The following MSTO1 variants were observed in gnomAD, a reference collection of about 807,000 sequenced individuals.
The protein encoded by MSTO1 is protein misato homolog 1.
In MSTO1, 24 loss-of-function variants were observed where a neutral mutation model predicts 55.7. That is an observed-to-expected ratio of 0.43 (90% confidence interval 0.31 to 0.61). MSTO1 has a LOEUF of 0.61. Among genes scored for constraint, MSTO1 ranks in the 20% least tolerant of loss-of-function variants. The pLI is 0.09. For missense variants in MSTO1, 363 were observed against 625.7 expected, an observed-to-expected ratio of 0.58 and a Z score of 4.48; for synonymous variants, 162 against 252.8, an observed-to-expected ratio of 0.64 and a Z score of 3.41.
At chr1:155,608,802 TTTTTTATTTTTA>T (rs1338752721), upstream of MSTO1, among the ~76,000 whole-genome samples, 2 of 147,486 alleles carry the variant, frequency 1.4e-5, no homozygotes, top group African/African-American at 2.5e-5. Context: ...GCGCCCGGCC[TTTTTTATTTTTA>T]TTTTTATTTT....
the MSTO1 span, among the ~76,000 whole-genome samples, chr1:155,596,889 G>T: frequency 6.6e-6 from 1 of 152,252 alleles, no homozygotes; most frequent in African/African-American, 2.4e-5. Flanking sequence ...GATCCCTTGA[G>T]CTCAGGAGTT....
At chr1:155,608,473 C>A (rs1673026675), upstream of MSTO1, among the ~76,000 whole-genome samples, 1 of 152,064 alleles carries the variant, frequency 6.6e-6, no homozygotes, top group South Asian at 2.1e-4. Flanking sequence ...AGCCTCTGCG[C>A]CCAACCAATA....
At chr1:155,574,501 T>C in the MSTO1 span, among the ~76,000 whole-genome samples, 1 of 152,182 alleles carries the variant, frequency 6.6e-6, no homozygotes, top group African/African-American at 2.4e-5. Context: ...TAAGGAAAGC[T>C]GAATGAAGAG....
chr1:155,592,116 T>C, the MSTO1 span, among the ~76,000 whole-genome samples: 1 of 152,252 alleles, frequency 6.6e-6, no homozygotes, highest in African/African-American at 2.4e-5. Flanking sequence ...CAGATTGCTA[T>C]GCTGAAGTAA....
chr1:155,606,256 G>A (rs1423683424), upstream of MSTO1, among the ~76,000 whole-genome samples: 4 of 124,108 alleles, frequency 3.2e-5, no homozygotes, highest in Admixed American at 3.2e-4. Flanking sequence ...ACGGGGTCTC[G>A]CCATGTTGGC....
chr1:155,575,105 G>A, the MSTO1 span, among the ~76,000 whole-genome samples: 1 of 151,936 alleles, frequency 6.6e-6, no homozygotes, highest in Non-Finnish European at 1.5e-5. Flanking sequence ...GACCTCGGGT[G>A]ATTCACTCGC....
At chr1:155,565,263 C>G in the MSTO1 span, among the ~76,000 whole-genome samples, 28 of 150,006 alleles carry the variant, frequency 1.9e-4, no homozygotes, top group African/African-American at 5.2e-4. Flanking sequence ...CCTTTGCATT[C>G]CAGCCTGGGA....
At chr1:155,601,715 A>G in the MSTO1 span, among the ~76,000 whole-genome samples, 1 of 152,096 alleles carries the variant, frequency 6.6e-6, no homozygotes, top group Non-Finnish European at 1.5e-5. Flanking sequence ...AGTTCAATAC[A>G]GTTTCTGCCT....
the MSTO1 span, among the ~76,000 whole-genome samples, chr1:155,585,383 C>T: frequency 1.6e-3 from 243 of 152,118 alleles, no homozygotes; most frequent in African/African-American, 5.7e-3. Context: ...ATTAGCCAGG[C>T]GTGGTGGCGG....
chr1:155,589,452 G>A, the MSTO1 span, among the ~76,000 whole-genome samples: 27 of 151,974 alleles, frequency 1.8e-4, no homozygotes, highest in African/African-American at 6.5e-4. Context: ...AGCACTAATA[G>A]GATAGAAGTA....
chr1:155,606,209 T>A (rs1351567622), upstream of MSTO1, among the ~76,000 whole-genome samples: 1 of 125,012 alleles, frequency 8.0e-6, no homozygotes, highest in African/African-American at 3.4e-5. Context: ...TTTTTTTTTT[T>A]TTTTTTTTTT....
At chr1:155,567,235 C>T in the MSTO1 span, among the ~76,000 whole-genome samples, 5 of 151,450 alleles carry the variant, frequency 3.3e-5, no homozygotes, top group Non-Finnish European at 7.4e-5. Context: ...GTGATTCTCC[C>T]GCCTCAGCCT....
intron 13 of MSTO1, 101 bp downstream of exon 13, chr1:155,613,867 T>A: frequency 1.6e-6 from 2 of 1,279,312 alleles, no homozygotes; most frequent in Non-Finnish European, 2.2e-6. Context: ...AGTTAAACAT[T>A]CCTTTATTCA....
chr1:155,563,845 C>T, the MSTO1 span: 197 of 333,740 alleles, frequency 5.9e-4, 1 homozygote, highest in African/African-American at 3.9e-3. Context: ...CAGAATATTG[C>T]CGTGTTGTCA....
the MSTO1 span, chr1:155,566,404 AG>A: frequency 6.6e-6 from 1 of 152,216 alleles, no homozygotes; most frequent in Non-Finnish European, 1.5e-5. Context: ...CGACTGAGGC[AG>A]GAGGATTACT....
In MSTO1 at chr1:155,613,240, G is replaced by C. The variant is rs781441085; in HGVS notation, c.1283+7G>C. ...ACAGAGCATGCCACACAAGGTGAGA[G>C]CTGTTGGTCCTTAGGAGTCCTTGTC... On this transcript the variant is annotated splice_region_variant and intron_variant, in intron 11 of 13. Coordinates refer to ENST00000245564, the MANE Select transcript of MSTO1 (RefSeq NM_018116.4). 3 of 1,612,110 alleles carry C rather than the reference G, an allele frequency of 1.9e-6. No homozygotes were observed. Among genetic ancestry groups the C allele is most frequent in the Non-Finnish European group, 2.5e-6 (3 of 1,178,600 alleles).
chr1:155,609,899 G>A, upstream of MSTO1: 1 of 275,768 alleles, frequency 3.6e-6, no homozygotes, highest in East Asian at 8.5e-5. Flanking sequence ...AGATCTGTGA[G>A]AAGGGATAAG....
chr1:155,583,525 GA>G, the MSTO1 span, among the ~76,000 whole-genome samples: 2 of 152,068 alleles, frequency 1.3e-5, no homozygotes, highest in African/African-American at 2.4e-5. Context: ...AACAGACTGA[GA>G]CCCGATCTCA....
chr1:155,567,596 G>A, the MSTO1 span, among the ~76,000 whole-genome samples: 8 of 152,078 alleles, frequency 5.3e-5, no homozygotes, highest in Non-Finnish European at 8.8e-5. Context: ...CACCGCGCCC[G>A]GCCTAATTTT....
Sources: gnomAD v4.1 joint callset for allele counts (sites outside exome capture counted in the v4.1 genomes callset) on GRCh38, gnomAD v4.1.1 for gene constraint, MANE v1.5 for transcripts, NCBI Gene and HGNC (gene_info 2026-07-23, HGNC 2026-07-21) for gene names.